Variants in KCNIP4 observed in about 807,000 individuals in gnomAD.
KCNIP4 encodes the protein potassium voltage-gated channel interacting protein 4, also known as Kv channel-interacting protein 4.
Under a neutral mutation model 34.0 loss-of-function variants are expected in KCNIP4, and 12 were observed. The ratio of observed to expected loss-of-function variants is 0.35; its 90% CI spans 0.23 to 0.57. The LOEUF (loss-of-function observed/expected upper bound fraction) is 0.57, where lower values mean the gene tolerates loss of function less well. Among genes scored for constraint, KCNIP4 ranks in the 20% least tolerant of loss-of-function variants. The pLI, the probability that KCNIP4 is intolerant of heterozygous loss-of-function variation, is 0.83. For missense variants in KCNIP4, 238 were observed against 311.7 expected (o/e 0.76, Z 1.78); for synonymous variants, 124 against 102.2 (o/e 1.21, Z -1.29).
chr4:21,536,875 CA>C (rs1464019327), intron 1 of KCNIP4, among the ~76,000 whole-genome samples: 1 of 152,008 alleles, frequency 6.6e-6, no homozygotes, highest in Non-Finnish European at 1.5e-5. Flanking sequence ...ATTACTTACC[CA>C]AAGTTAATAA....
chr4:21,717,495 G>A (rs1177456174), intron 1 of KCNIP4, among the ~76,000 whole-genome samples: 1 of 152,108 alleles, frequency 6.6e-6, no homozygotes, highest in Admixed American at 6.5e-5. Flanking sequence ...AAAAAGCTGA[G>A]CCTTTGTTTT....
chr4:21,243,868 T>C (rs1760019245), intron 1 of KCNIP4, among the ~76,000 whole-genome samples: 1 of 152,114 alleles, frequency 6.6e-6, no homozygotes, highest in South Asian at 2.1e-4. Flanking sequence ...TGGAGAAAAT[T>C]AATGGTCAGT....
chr4:21,399,788 C>T (rs548522753), intron 1 of KCNIP4, among the ~76,000 whole-genome samples: 34 of 152,038 alleles, frequency 2.2e-4, no homozygotes, highest in East Asian at 1.2e-3. Flanking sequence ...TCCCAAGTAG[C>T]GGTATAAACA....
intron 1 of KCNIP4, among the ~76,000 whole-genome samples, chr4:21,242,217 G>GGTT (rs1759879970): frequency 6.6e-6 from 1 of 150,594 alleles, no homozygotes; most frequent in South Asian, 2.1e-4. Context: ...TAACTCTCAG[G>GGTT]GTTGTTGGGA....
At chr4:21,322,311 C>T (rs984690676) in intron 1 of KCNIP4, among the ~76,000 whole-genome samples, 1 of 152,056 alleles carries the variant, frequency 6.6e-6, no homozygotes. Context: ...GAGATGGTAT[C>T]AACAACCAAC....
intron 1 of KCNIP4, among the ~76,000 whole-genome samples, chr4:21,804,682 T>G (rs2109258805): frequency 6.6e-6 from 1 of 152,324 alleles, no homozygotes; most frequent in Admixed American, 6.5e-5. Context: ...ATTCAAAATT[T>G]ACTTGAATAT....
At chr4:20,974,692 C>T (rs1735309998) in intron 1 of KCNIP4, among the ~76,000 whole-genome samples, 1 of 152,132 alleles carries the variant, frequency 6.6e-6, no homozygotes, top group Non-Finnish European at 1.5e-5. Flanking sequence ...TTATGTCCCT[C>T]TAAAATCTAC....
intron 1 of KCNIP4, among the ~76,000 whole-genome samples, chr4:21,175,695 G>C (rs1256379363): frequency 6.6e-6 from 1 of 152,176 alleles, no homozygotes; most frequent in Non-Finnish European, 1.5e-5. Context: ...AGACTACTAA[G>C]TGACAAAGGG....
intron 1 of KCNIP4, among the ~76,000 whole-genome samples, chr4:21,472,636 T>A (rs931555147): frequency 6.6e-6 from 1 of 152,180 alleles, no homozygotes; most frequent in African/African-American, 2.4e-5. Context: ...TGGTGTTTTT[T>A]CTTCCCCTTG....
chr4:21,874,123 T>C (rs972803648), intron 1 of KCNIP4, among the ~76,000 whole-genome samples: 8 of 152,214 alleles, frequency 5.3e-5, no homozygotes, highest in African/African-American at 1.7e-4. Context: ...CACTTAACCA[T>C]ATCATTGGGT....
chr4:21,213,982 T>C (rs1168205258), intron 1 of KCNIP4, among the ~76,000 whole-genome samples: 2 of 152,182 alleles, frequency 1.3e-5, no homozygotes, highest in Non-Finnish European at 2.9e-5. Context: ...TACAAAGACC[T>C]GGATTTGAAT....
intron 1 of KCNIP4, among the ~76,000 whole-genome samples, chr4:21,332,026 C>A (rs567723753): frequency 1.3e-5 from 2 of 152,010 alleles, no homozygotes; most frequent in Non-Finnish European, 2.9e-5. Context: ...AGAAAGTCAA[C>A]ATCCAGCAGT....
intron 1 of KCNIP4, among the ~76,000 whole-genome samples, chr4:21,035,170 T>G (rs1741349171): frequency 6.6e-6 from 1 of 152,196 alleles, no homozygotes; most frequent in African/African-American, 2.4e-5. Flanking sequence ...TGATCTAAAT[T>G]GCTAGTTGGT....
In KCNIP4 at chr4:20,728,798, G is replaced by A. The variant is rs896567395; in HGVS notation, c.*1284C>T. ...CACCAGAATAGATACCTGATTTATTGTTGCAAAGACAGTTGCAAATTTCCT... is the reference window on the plus strand; with the variant it reads ...CACCAGAATAGATACCTGATTTATTATTGCAAAGACAGTTGCAAATTTCCT... On this transcript the variant is annotated 3_prime_UTR_variant, in exon 9 of 9. Transcript: ENST00000382152. The A allele has an allele frequency of 1.3e-5, 2 of 152,490 alleles. No homozygotes were observed. Among genetic ancestry groups the A allele is most frequent in the African/African-American group, 2.4e-5 (1 of 41,396 alleles). The allele number at this position is 152,490 out of a possible 1,614,324, so 9.4% of individuals were successfully genotyped here. A position where few individuals can be genotyped will look rare whatever the true frequency, so the allele number is the denominator to read the frequency against.
intron 1 of KCNIP4, among the ~76,000 whole-genome samples, chr4:21,728,637 T>C (rs1421728737): frequency 2.0e-5 from 3 of 152,120 alleles, no homozygotes; most frequent in Non-Finnish European, 4.4e-5. Flanking sequence ...ACCCACATCA[T>C]TTTTTTCTCT....
intron 2 of KCNIP4, among the ~76,000 whole-genome samples, chr4:20,852,467 C>T (rs983662211): frequency 6.6e-6 from 1 of 152,076 alleles, no homozygotes. Flanking sequence ...GCATACAAGG[C>T]ACATACCTTA....
At chr4:20,951,533 T>C (rs114030195) in intron 1 of KCNIP4, among the ~76,000 whole-genome samples, 1,594 of 152,338 alleles carry the variant, frequency 0.01, 36 homozygotes, top group African/African-American at 0.036. Flanking sequence ...TCTGGTCATG[T>C]AGTTTCCTTC....
rs1716563090 is a variant in KCNIP4, at chr4:21,743,447, C to CA, written c.61+205123dup. On this transcript the variant is annotated intron_variant, in intron 1 of 8. Transcript: ENST00000382152. ...CTTATAGAGAATCTTGTGATTACAT[C>CA]AGGCTCACCCAGGAAGTATGGAGAA... Among the ~76,000 whole-genome samples, 3 of 150,392 alleles carry CA rather than the reference C, an allele frequency of 2.0e-5. No homozygotes were observed. The South Asian group carries it at 6.3e-4, about 32-fold the overall frequency.
chr4:21,554,440 C>A (rs1738822367), intron 1 of KCNIP4, among the ~76,000 whole-genome samples: 1 of 152,090 alleles, frequency 6.6e-6, no homozygotes, highest in African/African-American at 2.4e-5. Flanking sequence ...CTATTTTAAA[C>A]CAAACTCCAG....
Sources: allele counts gnomAD v4.1 joint callset (sites outside exome capture counted in the v4.1 genomes callset), GRCh38; gene constraint gnomAD v4.1.1; transcripts MANE v1.5; gene names NCBI Gene and HGNC (gene_info 2026-07-23, HGNC 2026-07-21).